The following CNTLN variants were observed in gnomAD, a reference collection of about 807,000 sequenced individuals.
CNTLN encodes the protein centlein, centrosomal protein.
A neutral mutation model predicts 180.0 loss-of-function variants in CNTLN; 212 were observed. That is an observed-to-expected ratio of 1.18 (90% CI 1.05 to 1.32). CNTLN has a LOEUF of 1.32. Among genes scored for constraint, CNTLN ranks in the 40% most tolerant of loss-of-function variants. The probability of loss-of-function intolerance (pLI) is 0.00; values close to 1 mark genes in which losing one functional copy is unlikely to be tolerated. For missense variants in CNTLN, 2,095 were observed against 1,610.9 expected (o/e 1.30, Z -5.14); for synonymous variants, 722 against 563.1 (o/e 1.28, Z -3.99).
At chr9:17,257,216 A>T (rs1355394626) in intron 5 of CNTLN, among the ~76,000 whole-genome samples, 2 of 151,718 alleles carry the variant, frequency 1.3e-5, no homozygotes, top group African/African-American at 4.8e-5. Flanking sequence ...TATGAGTGAG[A>T]ATATGCGGTG....
At chr9:17,350,472 T>A (rs941925367) in intron 12 of CNTLN, among the ~76,000 whole-genome samples, 7 of 152,018 alleles carry the variant, frequency 4.6e-5, no homozygotes, top group Admixed American at 4.6e-4. Flanking sequence ...CAAGCAAAAG[T>A]GTGATTAAAA....
At chr9:17,308,989 C>G in intron 7 of CNTLN, 69 bp from the exon 8 acceptor site, 4 of 1,062,272 alleles carry the variant, frequency 3.8e-6, no homozygotes, top group Non-Finnish European at 4.0e-6. Flanking sequence ...TACACACACA[C>G]ACACACAGAC....
At chr9:17,256,820 T>G (rs371856807) in intron 5 of CNTLN, among the ~76,000 whole-genome samples, 18 of 151,946 alleles carry the variant, frequency 1.2e-4, no homozygotes, top group South Asian at 4.1e-4. Flanking sequence ...GATATTTGAC[T>G]GTTTCTCTCT....
intron 12 of CNTLN, among the ~76,000 whole-genome samples, chr9:17,364,561 AT>A (rs1388669850): frequency 6.6e-6 from 1 of 152,178 alleles, no homozygotes; most frequent in Non-Finnish European, 1.5e-5. Flanking sequence ...AAAAACTCTA[AT>A]GGTGAAAGTA....
Position 17,312,813 on chromosome 9 carries a change from C to T in CNTLN, c.1341+3561C>T, listed in dbSNP as rs76701734. 4.2e-3 allele frequency among the ~76,000 whole-genome samples: 641 copies of T among 152,114 alleles called. 3 individuals are homozygous for T. The highest frequency in any genetic ancestry group is 4.9e-3 in the Non-Finnish European group (331 of 67,996). The stretch of plus-strand genomic sequence containing the variant: ...TTTTGCAACTACTGGGCAGAGTGCT[C>T]CTTAAATATCAATATTAGTTATGTC... On this transcript the variant is annotated intron_variant, in intron 8 of 25. Transcript: ENST00000380647.
intron 1 of CNTLN, 21 bp from the exon 2 acceptor site, chr9:17,143,267 A>G (rs1818227856): frequency 1.3e-6 from 2 of 1,575,932 alleles, no homozygotes; most frequent in Non-Finnish European, 1.7e-6. Flanking sequence ...ATGCATCTAA[A>G]TTCTCTTTTA....
At chr9:17,289,087 C>T (rs1317197036) in intron 6 of CNTLN, among the ~76,000 whole-genome samples, 1 of 124,926 alleles carries the variant, frequency 8.0e-6, no homozygotes, top group Non-Finnish European at 1.6e-5. Flanking sequence ...TTAGTTGATG[C>T]AGTTTCTTCC....
chr9:17,292,937 A>T (rs866622045), intron 6 of CNTLN, among the ~76,000 whole-genome samples: 41 of 152,166 alleles, frequency 2.7e-4, no homozygotes, highest in African/African-American at 9.6e-4. Flanking sequence ...CCTAGCTTTG[A>T]TCTTTCAGTT....
intron 6 of CNTLN, among the ~76,000 whole-genome samples, chr9:17,277,457 G>A (rs1828383351): frequency 6.6e-6 from 1 of 151,986 alleles, no homozygotes. Context: ...GTTTTCTTTG[G>A]AGAATGATAA....
chr9:17,338,706 A>T (rs1024704914), intron 10 of CNTLN, among the ~76,000 whole-genome samples: 1 of 152,152 alleles, frequency 6.6e-6, no homozygotes, highest in African/African-American at 2.4e-5. Flanking sequence ...TAGTATTTGG[A>T]TTGTTAACCA....
At chr9:17,179,167 C>T (rs1820951219) in intron 2 of CNTLN, among the ~76,000 whole-genome samples, 1 of 143,568 alleles carries the variant, frequency 7.0e-6, no homozygotes, top group Non-Finnish European at 1.5e-5. Flanking sequence ...TGGCGTGAAC[C>T]CGGGAGGCGG....
At chr9:17,230,507 C>T (rs1181480168) in intron 3 of CNTLN, among the ~76,000 whole-genome samples, 1 of 150,764 alleles carries the variant, frequency 6.6e-6, no homozygotes, top group Non-Finnish European at 1.5e-5. Context: ...TTGTTTGTTT[C>T]CCCCCTCCCC....
intron 8 of CNTLN, among the ~76,000 whole-genome samples, chr9:17,312,372 A>G (rs1314622799): frequency 1.9e-5 from 1 of 52,052 alleles, no homozygotes; most frequent in Non-Finnish European, 4.8e-5. Context: ...TATTATATAT[A>G]TATATATATA....
At chr9:17,289,075 C>T (rs1384842555) in intron 6 of CNTLN, among the ~76,000 whole-genome samples, 14 of 124,990 alleles carry the variant, frequency 1.1e-4, no homozygotes, top group African/African-American at 4.3e-4. Flanking sequence ...TTATTTTGCT[C>T]GTTAGTTGAT....
At chr9:17,277,084 T>C (rs1828361241) in intron 6 of CNTLN, among the ~76,000 whole-genome samples, 1 of 75,646 alleles carries the variant, frequency 1.3e-5, no homozygotes, top group South Asian at 5.9e-4. Flanking sequence ...CTACTGTTTC[T>C]GTATGGATTT....
intron 7 of CNTLN, chr9:17,299,706 C>T (rs1245116540): frequency 6.1e-6 from 6 of 985,154 alleles, no homozygotes; most frequent in Non-Finnish European, 6.0e-6. Flanking sequence ...TTCTAAAGCA[C>T]GTTCCATTGC....
intron 5 of CNTLN, among the ~76,000 whole-genome samples, chr9:17,254,702 A>G (rs1023487510): frequency 1.3e-5 from 2 of 150,148 alleles, no homozygotes; most frequent in African/African-American, 4.9e-5. Flanking sequence ...GCTTTGTAAT[A>G]CATTTTGAAA....
At chr9:17,364,830 G>T (rs1334213194) in intron 12 of CNTLN, among the ~76,000 whole-genome samples, 5 of 152,142 alleles carry the variant, frequency 3.3e-5, no homozygotes, top group African/African-American at 9.6e-5. Flanking sequence ...TATTATTTTT[G>T]ATTGTTCATG....
chr9:17,226,621 T>C (rs1483091700), intron 3 of CNTLN, among the ~76,000 whole-genome samples: 1 of 152,004 alleles, frequency 6.6e-6, no homozygotes, highest in Non-Finnish European at 1.5e-5. Flanking sequence ...ATGGTTTTAT[T>C]TGTAGAAAAG....
Sources: allele counts gnomAD v4.1 joint callset (sites outside exome capture counted in the v4.1 genomes callset), GRCh38; gene constraint gnomAD v4.1.1; transcripts MANE v1.5; gene names NCBI Gene and HGNC (gene_info 2026-07-23, HGNC 2026-07-21).